VKORC1L1: variants seen among roughly 807,000 people sequenced by gnomAD.
VKORC1L1 encodes the protein vitamin K epoxide reductase complex subunit 1L1.
VKORC1L1 carries 2 observed loss-of-function variants against 18.9 expected under a neutral mutation model. That is an observed-to-expected ratio of 0.11 (90% CI 0.04 to 0.33). VKORC1L1 has a LOEUF of 0.33. Ranked by LOEUF, VKORC1L1 falls within the 10% of genes least tolerant of loss-of-function variation. The pLI, the probability that VKORC1L1 is intolerant of heterozygous loss-of-function variation, is 1.00. For missense variants in VKORC1L1, 123 were observed against 224.1 expected (o/e 0.55, Z 2.88); for synonymous variants, 96 against 100.0 (o/e 0.96, Z 0.24).
chr7:65,949,530 G>A (rs1308672657), intron 2 of VKORC1L1, among the ~76,000 whole-genome samples: 4 of 151,822 alleles, frequency 2.6e-5, no homozygotes, highest in African/African-American at 9.7e-5. Context: ...GCCAGGTGCA[G>A]TGGCTCACAC....
At chr7:65,950,108 G>A (rs1018120318) in intron 2 of VKORC1L1, among the ~76,000 whole-genome samples, 5 of 151,230 alleles carry the variant, frequency 3.3e-5, no homozygotes, top group Admixed American at 2.0e-4. Flanking sequence ...TAATTGTAAC[G>A]ATAATCTTCA....
intron 1 of VKORC1L1, among the ~76,000 whole-genome samples, chr7:65,897,872 G>T (rs1477347535): frequency 6.6e-6 from 1 of 151,984 alleles, no homozygotes; most frequent in Non-Finnish European, 1.5e-5. Context: ...CACACATAAA[G>T]AATGCACATA....
At chr7:65,934,343 A>G (rs1789906548) in intron 1 of VKORC1L1, among the ~76,000 whole-genome samples, 1 of 152,222 alleles carries the variant, frequency 6.6e-6, no homozygotes, top group Non-Finnish European at 1.5e-5. Context: ...AAATCAAGCT[A>G]CTTAACATAT....
At chr7:65,953,172 A>T (rs576044608) in intron 2 of VKORC1L1, among the ~76,000 whole-genome samples, 1 of 152,264 alleles carries the variant, frequency 6.6e-6, no homozygotes, top group Non-Finnish European at 1.5e-5. Context: ...TTTGACCCAC[A>T]TGCAGCCAAC....
chr7:65,915,833 C>T (rs1041099717), intron 1 of VKORC1L1, among the ~76,000 whole-genome samples: 1 of 151,922 alleles, frequency 6.6e-6, no homozygotes, highest in African/African-American at 2.4e-5. Flanking sequence ...AGGAAACCTC[C>T]TGGCTGGGTG....
chr7:65,952,840 C>T (rs1224268118), intron 2 of VKORC1L1, among the ~76,000 whole-genome samples: 1 of 136,646 alleles, frequency 7.3e-6, no homozygotes, highest in Non-Finnish European at 1.5e-5. Context: ...GGCTGGAGTC[C>T]ACTGGTGCAA....
chr7:65,954,692 T>C lies in VKORC1L1; in HGVS notation c.*392T>C, dbSNP rs1790266707. The C allele has an allele frequency of 4.3e-6, 1 of 230,290 alleles. No homozygotes were observed. The highest frequency in any genetic ancestry group is 2.3e-5 in the African/African-American group (1 of 44,018). The allele number at this position is 230,290 out of a possible 1,614,324, so 14.3% of individuals were successfully genotyped here. ...ATCATGACATGAAAATATTCTAGAA[T>C]AGATACTGTATTAAATATTGCCATG... On this transcript the variant is annotated 3_prime_UTR_variant, in exon 3 of 3. Transcript: ENST00000360768.
intron 1 of VKORC1L1, among the ~76,000 whole-genome samples, chr7:65,947,545 T>TA (rs985325547): frequency 6.6e-6 from 1 of 151,958 alleles, no homozygotes; most frequent in South Asian, 2.1e-4. Flanking sequence ...GTTAACAATT[T>TA]AAAAAAAATC....
intron 1 of VKORC1L1, among the ~76,000 whole-genome samples, chr7:65,916,256 C>T (rs1326525994): frequency 6.6e-6 from 1 of 151,676 alleles, no homozygotes. Flanking sequence ...GAGTTGGTTC[C>T]CTAGCATTTC....
rs954110272 is a variant in VKORC1L1 at position 65,956,301 on chromosome 7, A to G, written c.*2001A>G. On this transcript the variant is annotated 3_prime_UTR_variant, in exon 3 of 3. Transcript: ENST00000360768. ...TCTAAGCTACAGTGGAAATGGCCTA[A>G]TGGTTAAAACTGTGGTATACATGAC... 1.3e-5 allele frequency: 2 copies of G among 152,246 alleles called. No homozygotes were observed. Among genetic ancestry groups the G allele is most frequent in the South Asian group, 2.1e-4 (1 of 4,834 alleles). The allele number at this position is 152,246 out of a possible 1,614,324, so 9.4% of individuals were successfully genotyped here.
chr7:65,943,444 G>C (rs185609299), intron 1 of VKORC1L1, among the ~76,000 whole-genome samples: 28 of 152,208 alleles, frequency 1.8e-4, no homozygotes, highest in African/African-American at 6.7e-4. Flanking sequence ...TAAAAATAAT[G>C]AAAACAGCAA....
chr7:65,899,403 G>A (rs79979577), intron 1 of VKORC1L1, among the ~76,000 whole-genome samples: 2 of 152,140 alleles, frequency 1.3e-5, no homozygotes, highest in East Asian at 3.8e-4. Flanking sequence ...AAAAAAGGGG[G>A]TTTTTCATTC....
At chr7:65,903,491 TA>T (rs1583837351) in intron 1 of VKORC1L1, among the ~76,000 whole-genome samples, 1 of 151,916 alleles carries the variant, frequency 6.6e-6, no homozygotes, top group East Asian at 1.9e-4. Context: ...AAGTGCTTTT[TA>T]AAAAAGACTA....
rs565552110 is a variant in VKORC1L1 at position 65,878,939 on chromosome 7, G to A, written c.194+5374G>A. On this transcript the variant is annotated intron_variant, in intron 1 of 2. Transcript: ENST00000360768. ...AAAGAAAAATTAAATTCTTGTCTAG[G>A]TAAGGCATTCGCTGCTTCGGATTTG... Among the ~76,000 whole-genome samples, 7 of 152,194 alleles carry A rather than the reference G, an allele frequency of 4.6e-5. No homozygotes were observed. In the East Asian group the frequency reaches 7.7e-4, roughly 17 times the overall value.
chr7:65,894,677 G>A (rs1305144713), intron 1 of VKORC1L1, among the ~76,000 whole-genome samples: 1 of 152,172 alleles, frequency 6.6e-6, no homozygotes, highest in Non-Finnish European at 1.5e-5. Flanking sequence ...GCAGTGAGCC[G>A]AGATCGCACC....
At chr7:65,953,645 G>A (rs540609724) in intron 2 of VKORC1L1, among the ~76,000 whole-genome samples, 6 of 152,100 alleles carry the variant, frequency 3.9e-5, no homozygotes, top group East Asian at 1.9e-4. Flanking sequence ...CTGTAATCCC[G>A]GCACTTTGGG....
intron 1 of VKORC1L1, among the ~76,000 whole-genome samples, chr7:65,930,291 T>C (rs536755607): frequency 5.0e-4 from 76 of 152,336 alleles, no homozygotes; most frequent in Non-Finnish European, 8.2e-4. Context: ...TCAAATGGGA[T>C]TCTTAAAGAG....
At chr7:65,946,613 CT>C (rs1302971940) in intron 1 of VKORC1L1, among the ~76,000 whole-genome samples, 1 of 152,140 alleles carries the variant, frequency 6.6e-6, no homozygotes, top group Non-Finnish European at 1.5e-5. Context: ...TCCTGTGTAT[CT>C]GTTACAAGGT....
At chr7:65,938,435 G>A (rs1414731835) in intron 1 of VKORC1L1, among the ~76,000 whole-genome samples, 1 of 152,118 alleles carries the variant, frequency 6.6e-6, no homozygotes, top group Non-Finnish European at 1.5e-5. Context: ...GCCAACATTT[G>A]GCTAAGAAAT....
Sources: allele counts gnomAD v4.1 joint callset (sites outside exome capture counted in the v4.1 genomes callset), GRCh38; gene constraint gnomAD v4.1.1; transcripts MANE v1.5; gene names NCBI Gene and HGNC (gene_info 2026-07-23, HGNC 2026-07-21).